The following CHST15 variants were observed in gnomAD, a reference collection of about 807,000 sequenced individuals.
CHST15 encodes the protein B cell RAG associated protein (GALNAC4S-6ST).
In CHST15, 30 loss-of-function variants were observed where a neutral mutation model predicts 53.6. The ratio of observed to expected loss-of-function variants is 0.56; its 90% CI spans 0.42 to 0.76. The LOEUF is 0.76. CHST15 is among the 30% of genes least tolerant of loss of function. The probability of loss-of-function intolerance (pLI) is 0.00; values close to 1 mark genes in which losing one functional copy is unlikely to be tolerated. For missense variants in CHST15, 627 were observed against 740.5 expected (o/e 0.85, Z 1.78); for synonymous variants, 296 against 289.8 (o/e 1.02, Z -0.22).
At position 124,034,060 on chromosome 10, in the gene CHST15, G is replaced by A. The variant is rs534339684; in HGVS notation, c.1190+4455C>T. The stretch of plus-strand genomic sequence containing the variant: ...CCAGGACATGAGCCATGACGAAGCC[G>A]CCGCCCACTTCTCTGATAAAGCACC... On this transcript the variant is annotated intron_variant, in intron 5 of 7. Coordinates refer to ENST00000435907, the MANE Select transcript of CHST15 (RefSeq NM_001270764.2). 1.3e-3 allele frequency among the ~76,000 whole-genome samples: 204 copies of A among 152,298 alleles called. 1 individual carries two copies. The highest frequency in any genetic ancestry group is 0.01 in the Middle Eastern group (3 of 294).
At position 124,064,445 on chromosome 10, in the gene CHST15, CCT is replaced by C. The variant is rs528748085; in HGVS notation, c.-512-17723_-512-17722del. On this transcript the variant is annotated intron_variant, in intron 1 of 7. Transcript: ENST00000435907. ...GTGGCCACGGAGCAGAACGCAAGCC[CCT>C]GACTGGGAGTCCATGGGGATTCAGG... 3.3e-5 allele frequency among the ~76,000 whole-genome samples: 5 copies of C among 152,302 alleles called. No homozygotes were observed. In the South Asian group the frequency reaches 6.2e-4, roughly 19 times the overall value.
Position 124,046,180 on chromosome 10 carries a change from C to T in CHST15, c.33G>A (p.Leu11=). The change falls in exon 2 of 8, where the codon CTG becomes CTA. Residue 11 remains leucine (L), a synonymous_variant. Coordinates refer to ENST00000435907, the MANE Select transcript of CHST15 (RefSeq NM_001270764.2). MRHCINCCIQ[L]LPDGAHKQQV... The stretch of plus-strand genomic sequence containing the variant: ...GCTGCTTGTGTGCGCCGTCGGGTAA[C>T]AGCTGTATGCAGCAATTAATGCAGT... The T allele has an allele frequency of 6.2e-7, 1 of 1,611,278 alleles. No individual in the cohort carries two copies. The highest frequency in any genetic ancestry group is 8.5e-7 in the Non-Finnish European group (1 of 1,178,486).
intron 1 of CHST15, among the ~76,000 whole-genome samples, chr10:124,085,788 G>A (rs2134240370): frequency 6.6e-6 from 1 of 152,300 alleles, no homozygotes; most frequent in East Asian, 1.9e-4. Context: ...CACCTGGCTG[G>A]GGAAGGGAGG....
chr10:124,020,738 T>C, intron 6 of CHST15: 1 of 1,022,838 alleles, frequency 9.8e-7, no homozygotes, highest in Non-Finnish European at 1.2e-6. Context: ...ATAACAGCTT[T>C]TTGCATTCAA....
chr10:124,030,818 G>A (rs1425660537), intron 5 of CHST15, among the ~76,000 whole-genome samples: 2 of 152,222 alleles, frequency 1.3e-5, no homozygotes, highest in African/African-American at 4.8e-5. Context: ...TGAATAGCAA[G>A]AGAGATTCTC....
Position 124,035,171 on chromosome 10 carries a change from CT to C in CHST15, c.1190+3343del, listed in dbSNP as rs372083723. 2.0e-4 allele frequency among the ~76,000 whole-genome samples: 27 copies of C among 136,930 alleles called. No homozygotes were observed. In the South Asian group the frequency reaches 6.0e-3, roughly 30 times the overall value. The allele number at this position is 136,930 out of a possible 152,430, so 89.8% of individuals were successfully genotyped here. Reference sequence around the variant, plus strand: ...CTAACGGGGACCCCGGCTCCGCCCCCTAACGGGGACCCTGGTTCCACCCCTA... The same window carrying C: ...CTAACGGGGACCCCGGCTCCGCCCCCAACGGGGACCCTGGTTCCACCCCTA... On this transcript the variant is annotated intron_variant, in intron 5 of 7. Transcript: ENST00000435907.
Position 124,038,542 on chromosome 10 carries a change from A to G in CHST15, c.1163T>C (p.Ile388Thr). 3 of 1,614,228 alleles carry G rather than the reference A, an allele frequency of 1.9e-6. 1 individual carries two copies. The highest frequency in any genetic ancestry group is 2.2e-5 in the South Asian group (2 of 91,082). The change falls in exon 5 of 8, where the codon ATT becomes ACT. Residue 388 changes from isoleucine to threonine, a missense_variant. Coordinates refer to ENST00000435907, the MANE Select transcript of CHST15 (RefSeq NM_001270764.2). ...IHAFQPNARL[I>T]VMLRDPVERL... ...CTCCACAGGGTCCCTGAGCATGACA[A>G]TCAGTCTGGCATTTGGCTGAAAGGC...
intron 3 of CHST15, among the ~76,000 whole-genome samples, chr10:124,043,716 C>T (rs1295607132): frequency 6.6e-6 from 1 of 152,214 alleles, no homozygotes; most frequent in African/African-American, 2.4e-5. Context: ...GGTAAGCCTG[C>T]GGCAAAGGGC....
chr10:124,022,811 CTTTTTTTTTTT>C (rs924775599), intron 5 of CHST15, among the ~76,000 whole-genome samples: 2 of 100,432 alleles, frequency 2.0e-5, no homozygotes, highest in East Asian at 2.9e-4. Context: ...CTTGGCATTT[CTTTTTTTTTTT>C]TTTTTTTTTT....
At chr10:124,045,132 A>AAAAAC (rs1947939695) in intron 2 of CHST15, among the ~76,000 whole-genome samples, 1 of 145,728 alleles carries the variant, frequency 6.9e-6, no homozygotes, top group East Asian at 2.0e-4. Context: ...AAAAAAAAAA[A>AAAAAC]AAAAAAAAAA....
chr10:124,011,185 AC>A, intron 7 of CHST15: 1 of 827,268 alleles, frequency 1.2e-6, no homozygotes, highest in Non-Finnish European at 1.5e-6. Context: ...TCTTGGTGTA[AC>A]CCATCACTGC....
intron 1 of CHST15, among the ~76,000 whole-genome samples, chr10:124,092,737 C>T (rs945106044): frequency 6.6e-6 from 1 of 152,174 alleles, no homozygotes; most frequent in Non-Finnish European, 1.5e-5. Flanking sequence ...TGGAAACTTC[C>T]CCAAAGTGCG....
rs75589650 is a variant in CHST15, at chr10:124,021,242, G to C, written c.1347+14C>G. On this transcript the variant is annotated intron_variant, in intron 6 of 7. Transcript: ENST00000435907. The stretch of plus-strand genomic sequence containing the variant: ...GGGGCCAGCTCGGGGGGTACGGGGG[G>C]GGGGGGTACACACAGGCATGGCGTT... 260 of 1,555,200 alleles carry C rather than the reference G, an allele frequency of 1.7e-4. 4 individuals carry two copies. The highest frequency in any genetic ancestry group is 1.6e-4 in the African/African-American group (11 of 70,898).
intron 1 of CHST15, among the ~76,000 whole-genome samples, chr10:124,069,202 C>A (rs939848800): frequency 6.6e-6 from 1 of 152,208 alleles, no homozygotes; most frequent in Non-Finnish European, 1.5e-5. Flanking sequence ...ATCAACATCC[C>A]GTTTGAGTTC....
chr10:124,052,409 C>A (rs956884123), intron 1 of CHST15, among the ~76,000 whole-genome samples: 4 of 152,356 alleles, frequency 2.6e-5, no homozygotes, highest in African/African-American at 9.6e-5. Flanking sequence ...ACTCCGTCAA[C>A]ATTCACTGGC....
chr10:124,020,504 G>A, intron 6 of CHST15: 1 of 985,534 alleles, frequency 1.0e-6, no homozygotes, highest in Middle Eastern at 5.2e-4. Flanking sequence ...AGGGGGCAGA[G>A]CCTCTTGGCC....
At chr10:124,046,766 T>C (rs978562652) in intron 1 of CHST15, 42 bp from the exon 2 acceptor site, 1 of 152,328 alleles carries the variant, frequency 6.6e-6, no homozygotes, top group Admixed American at 6.5e-5. Context: ...TGTGTGGTAA[T>C]AGCAATAACC....
At chr10:124,045,133 A>AAAAAAC (rs1947941201) in intron 2 of CHST15, among the ~76,000 whole-genome samples, 14 of 145,700 alleles carry the variant, frequency 9.6e-5, no homozygotes, top group African/African-American at 2.9e-4. Context: ...AAAAAAAAAA[A>AAAAAAC]AAAAAAAAAA....
chr10:124,084,709 A>C (rs1008979118), intron 1 of CHST15, among the ~76,000 whole-genome samples: 1 of 152,248 alleles, frequency 6.6e-6, no homozygotes, highest in East Asian at 1.9e-4. Context: ...TCCCTCCACC[A>C]GACCACAGAA....
Sources: gnomAD v4.1 joint callset for allele counts (sites outside exome capture counted in the v4.1 genomes callset) on GRCh38, gnomAD v4.1.1 for gene constraint, MANE v1.5 for transcripts, NCBI Gene and HGNC (gene_info 2026-07-23, HGNC 2026-07-21) for gene names.